The following PHF24 variants were observed in gnomAD, a reference collection of about 807,000 sequenced individuals.
The protein encoded by PHF24 is Galpha inhibitory interacting protein.
Under a neutral mutation model 42.6 loss-of-function variants are expected in PHF24, and 25 were observed. That is an observed-to-expected ratio of 0.59 (90% confidence interval 0.43 to 0.82). The LOEUF (loss-of-function observed/expected upper bound fraction) is 0.82, where lower values mean the gene tolerates loss of function less well. PHF24 is among the 40% of genes least tolerant of loss of function. PHF24 has a pLI of 0.00. For missense variants in PHF24, 470 were observed against 538.1 expected (o/e 0.87, Z 1.25); for synonymous variants, 185 against 204.8 (o/e 0.90, Z 0.83).
At chr9:34,976,771 G>A (rs755519589) in intron 5 of PHF24, 31 bp downstream of exon 5, 2 of 1,590,250 alleles carry the variant, frequency 1.3e-6, no homozygotes, top group Non-Finnish European at 1.7e-6. Flanking sequence ...ATGTTCCTGG[G>A]ATACTGGGTG....
chr9:34,681,452 T>C, the PHF24 span, among the ~76,000 whole-genome samples: 73 of 18,938 alleles, frequency 3.9e-3, no homozygotes, highest in Non-Finnish European at 6.3e-3. Context: ...CCCCCCCAAA[T>C]TCGTATGTTT....
At chr9:34,689,410 C>T in the PHF24 span, among the ~76,000 whole-genome samples, 1 of 152,008 alleles carries the variant, frequency 6.6e-6, no homozygotes, top group Non-Finnish European at 1.5e-5. The surrounding 1 kb of genome is among the most constrained non-coding windows in gnomAD (Gnocchi z 4.1). Context: ...ATAGATCCTG[C>T]CATTCCACCT....
At chr9:34,979,605 G>T (rs1827321160) in exon 8 of PHF24, 1 of 152,266 alleles carries the variant, frequency 6.6e-6, no homozygotes, top group Admixed American at 6.5e-5. Flanking sequence ...TCATGCAGAA[G>T]CAAACACGTC....
the PHF24 span, among the ~76,000 whole-genome samples, chr9:34,776,610 C>T: frequency 6.6e-6 from 1 of 152,212 alleles, no homozygotes; most frequent in African/African-American, 2.4e-5. Flanking sequence ...TTTCTGATTT[C>T]TCTGTATTGG....
At chr9:34,810,268 A>T in the PHF24 span, among the ~76,000 whole-genome samples, 1 of 152,094 alleles carries the variant, frequency 6.6e-6, no homozygotes, top group Non-Finnish European at 1.5e-5. Flanking sequence ...GCTGCCTCCA[A>T]GGTGGCCCCC....
At chr9:34,981,162 A>G (rs1489196387) in exon 8 of PHF24, 1 of 152,250 alleles carries the variant, frequency 6.6e-6, no homozygotes, top group African/African-American at 2.4e-5. Flanking sequence ...TACAGTAGAA[A>G]CCATGAGGAC....
chr9:34,889,381 C>G, the PHF24 span: 3 of 398,500 alleles, frequency 7.5e-6, no homozygotes, highest in Non-Finnish European at 1.3e-5. Context: ...CTGGGGGCAT[C>G]ACAGAAGATC....
At chr9:34,835,647 G>T in the PHF24 span, 1 of 1,551,626 alleles carries the variant, frequency 6.4e-7, no homozygotes, top group Non-Finnish European at 8.7e-7. Context: ...AAGCTATGGT[G>T]TTTGGGCCCC....
the PHF24 span, chr9:34,833,535 T>C: frequency 1.3e-6 from 2 of 1,551,644 alleles, no homozygotes; most frequent in East Asian, 4.9e-5. Context: ...GTGGATATGT[T>C]CTCTGGTGCT....
the PHF24 span, among the ~76,000 whole-genome samples, chr9:34,743,666 C>T: frequency 4.6e-5 from 7 of 152,196 alleles, no homozygotes; most frequent in East Asian, 1.9e-4. Context: ...TGAGTTTGTG[C>T]GAAAAATTTA....
the PHF24 span, among the ~76,000 whole-genome samples, chr9:34,924,478 C>T: frequency 6.6e-6 from 1 of 152,096 alleles, no homozygotes; most frequent in Non-Finnish European, 1.5e-5. Flanking sequence ...TACATTAATA[C>T]TTGTTACATA....
the PHF24 span, among the ~76,000 whole-genome samples, chr9:34,854,211 T>TTTTC: frequency 6.1e-5 from 9 of 148,340 alleles, no homozygotes; most frequent in Non-Finnish European, 1.0e-4. Flanking sequence ...TTTTTTTTTT[T>TTTTC]CAAAAAAAAT....
At chr9:34,829,116 T>A in the PHF24 span, among the ~76,000 whole-genome samples, 2 of 152,208 alleles carry the variant, frequency 1.3e-5, no homozygotes, top group South Asian at 2.1e-4. Context: ...CTGGATGGAT[T>A]TTTGAAGTAA....
chr9:34,858,296 C>G, the PHF24 span, among the ~76,000 whole-genome samples: 2 of 152,192 alleles, frequency 1.3e-5, no homozygotes, highest in African/African-American at 4.8e-5. Flanking sequence ...CTTCATCCAT[C>G]AGCCCATTTG....
the PHF24 span, chr9:34,690,074 G>T: frequency 6.3e-7 from 1 of 1,597,330 alleles, no homozygotes. Context: ...GCATGCCTGG[G>T]GACCATGTCT....
the PHF24 span, among the ~76,000 whole-genome samples, chr9:34,849,322 T>G: frequency 6.6e-6 from 1 of 152,146 alleles, no homozygotes; most frequent in African/African-American, 2.4e-5. Flanking sequence ...TAGTTAGCTC[T>G]TCTTGTTGAA....
At chr9:34,810,130 T>C in the PHF24 span, among the ~76,000 whole-genome samples, 3 of 151,700 alleles carry the variant, frequency 2.0e-5, no homozygotes, top group African/African-American at 7.3e-5. Flanking sequence ...GGGCCGGCAG[T>C]ATAGAGTCCG....
the PHF24 span, among the ~76,000 whole-genome samples, chr9:34,791,152 A>G: frequency 6.6e-6 from 1 of 152,258 alleles, no homozygotes; most frequent in African/African-American, 2.4e-5. Context: ...TAGGAGTAGA[A>G]GTGAAAGCAG....
the PHF24 span, among the ~76,000 whole-genome samples, chr9:34,715,527 G>A: frequency 6.6e-6 from 1 of 152,116 alleles, no homozygotes; most frequent in African/African-American, 2.4e-5. Context: ...TCAGATGGCT[G>A]CACATCCGAG....
Sources: gnomAD v4.1 joint callset for allele counts (sites outside exome capture counted in the v4.1 genomes callset) on GRCh38, gnomAD v4.1.1 for gene constraint, Gnocchi (gnomAD v3.1) non-coding constraint, MANE v1.5 for transcripts, NCBI Gene and HGNC (gene_info 2026-07-23, HGNC 2026-07-21) for gene names.